ATP10A: variants seen among roughly 807,000 people sequenced by gnomAD.
ATP10A encodes the protein phospholipid-transporting ATPase VA.
ATP10A carries 111 observed loss-of-function variants against 147.8 expected under a neutral mutation model. The observed-to-expected ratio is 0.75, with a 90% CI of 0.64 to 0.88. The LOEUF (loss-of-function observed/expected upper bound fraction) is 0.88, where lower values mean the gene tolerates loss of function less well. Ranked by LOEUF, ATP10A falls within the 40% of genes least tolerant of loss-of-function variation. ATP10A has a pLI of 0.00. For synonymous variants in ATP10A, 875 were observed against 841.6 expected (o/e 1.04, Z -0.69); for missense variants, 1,927 against 1,959.0 (o/e 0.98, Z 0.31).
intron 2 of ATP10A, among the ~76,000 whole-genome samples, chr15:25,762,057 G>A (rs1377268447): frequency 1.3e-5 from 2 of 151,988 alleles, no homozygotes; most frequent in Non-Finnish European, 2.9e-5. Context: ...ATGACTCAGG[G>A]GTCGGTTCCC....
At chr15:25,723,069 C>T (rs1216111186) in intron 6 of ATP10A, among the ~76,000 whole-genome samples, 2 of 152,266 alleles carry the variant, frequency 1.3e-5, no homozygotes, top group South Asian at 2.1e-4. Flanking sequence ...AAGGACTAGG[C>T]CGGGTGCAGT....
chr15:25,843,259 C>T (rs955940304), intron 1 of ATP10A, among the ~76,000 whole-genome samples: 4 of 121,934 alleles, frequency 3.3e-5, no homozygotes, highest in African/African-American at 6.1e-5. Flanking sequence ...GGTGTGATCT[C>T]GGCACTCCAC....
In ATP10A at chr15:25,679,648, G is replaced by C; in HGVS notation, c.4193C>G (p.Pro1398Arg). The change falls in exon 21 of 21, where the codon CCA becomes CGA. Residue 1398 changes from proline to arginine, a missense_variant. Physicochemically the swap from Pro to Arg is moderately radical, Grantham distance 103. Coordinates refer to ENST00000555815, the MANE Select transcript of ATP10A (RefSeq NM_024490.4). The stretch of plus-strand genomic sequence containing the variant: ...TGGACTCCTCAGGACAGCCTCCCCT[G>C]GCGCAGAGGACATGGGGGCCGGTGC... ...LSAPAPMSSAPGEAVLRSPGG... is the reference protein window; with the variant it reads ...LSAPAPMSSARGEAVLRSPGG... The C allele has an allele frequency of 6.2e-7, 1 of 1,613,414 alleles. No individual in the cohort carries two copies. The highest frequency in any genetic ancestry group is 8.5e-7 in the Non-Finnish European group (1 of 1,180,004).
intron 2 of ATP10A, among the ~76,000 whole-genome samples, chr15:25,751,004 T>A (rs1289096889): frequency 1.3e-5 from 2 of 152,084 alleles, no homozygotes; most frequent in Admixed American, 1.3e-4. Flanking sequence ...ATTAATCACA[T>A]TAAATGCAAA....
intron 2 of ATP10A, among the ~76,000 whole-genome samples, chr15:25,753,374 C>T (rs1346556865): frequency 6.6e-6 from 1 of 152,152 alleles, no homozygotes; most frequent in African/African-American, 2.4e-5. Flanking sequence ...TTTTACTTAA[C>T]ATAATGTTGT....
chr15:25,776,443 T>C (rs1889608997), intron 2 of ATP10A, among the ~76,000 whole-genome samples: 1 of 152,150 alleles, frequency 6.6e-6, no homozygotes, highest in African/African-American at 2.4e-5. Context: ...TAAAATTCTG[T>C]GAAATTGTGT....
chr15:25,699,773 C>T (rs1335080482), intron 13 of ATP10A, among the ~76,000 whole-genome samples: 5 of 152,130 alleles, frequency 3.3e-5, no homozygotes, highest in African/African-American at 4.8e-5. Flanking sequence ...GATGCTGAGG[C>T]AGGAGGATCC....
downstream of ATP10A, chr15:25,678,515 G>C (rs1899191317): frequency 6.6e-6 from 1 of 152,182 alleles, no homozygotes; most frequent in African/African-American, 2.4e-5. Flanking sequence ...AGACCGCTGA[G>C]CTCCTTGGCA....
At chr15:25,687,575 G>A in intron 16 of ATP10A, 128 bp downstream of exon 16, 1 of 605,186 alleles carries the variant, frequency 1.7e-6, no homozygotes, top group Non-Finnish European at 2.1e-6. Context: ...AATTACACAG[G>A]CGAAGGAGGA....
intron 1 of ATP10A, among the ~76,000 whole-genome samples, chr15:25,782,649 A>AC (rs1889977844): frequency 6.6e-6 from 1 of 152,148 alleles, no homozygotes. Flanking sequence ...AGCCTGCAGA[A>AC]CCTACGAGTC....
At chr15:25,798,900 C>A (rs1890808051) in intron 1 of ATP10A, among the ~76,000 whole-genome samples, 1 of 79,140 alleles carries the variant, frequency 1.3e-5, no homozygotes, top group Non-Finnish European at 2.6e-5. Context: ...ACTCGGAGGC[C>A]CCCGACTGGC....
At chr15:25,727,569 G>C (rs558848630) in intron 3 of ATP10A, among the ~76,000 whole-genome samples, 6 of 152,254 alleles carry the variant, frequency 3.9e-5, no homozygotes, top group Admixed American at 3.3e-4. Context: ...ACTAGGAAGG[G>C]CAAACTCCCA....
At chr15:25,735,465 C>T (rs1182690003) in intron 3 of ATP10A, among the ~76,000 whole-genome samples, 1 of 152,168 alleles carries the variant, frequency 6.6e-6, no homozygotes, top group African/African-American at 2.4e-5. Context: ...TGCCCTGATC[C>T]ACCTGTCTTT....
chr15:25,773,165 G>A (rs962278456), intron 2 of ATP10A, among the ~76,000 whole-genome samples: 2 of 152,160 alleles, frequency 1.3e-5, no homozygotes, highest in Non-Finnish European at 2.9e-5. Context: ...AACTGCAAAT[G>A]TGTTCATGGA....
intron 2 of ATP10A, among the ~76,000 whole-genome samples, chr15:25,762,034 C>T (rs1470645092): frequency 2.6e-5 from 4 of 152,046 alleles, no homozygotes; most frequent in Admixed American, 6.6e-5. Context: ...GGGAGGGATC[C>T]GGTGGGAGGT....
At chr15:25,803,380 T>G (rs555559535) in intron 1 of ATP10A, among the ~76,000 whole-genome samples, 1 of 152,370 alleles carries the variant, frequency 6.6e-6, no homozygotes, top group South Asian at 2.1e-4. Flanking sequence ...GGGTGGGCAC[T>G]GCCCATGTCA....
chr15:25,797,507 C>T (rs866527132), intron 1 of ATP10A, among the ~76,000 whole-genome samples: 1 of 152,000 alleles, frequency 6.6e-6, no homozygotes, highest in Middle Eastern at 3.4e-3. Flanking sequence ...TGACTTTCTG[C>T]CACACTTTTC....
At position 25,694,886 on chromosome 15, in the gene ATP10A, C is replaced by T. The variant is rs561034034; in HGVS notation, c.3021G>A (p.Thr1007=). ...TCACCACCATGCTCTTCTGCAGAGG[C>T]GTCGACCGACAGCAGAGGACGGAGC... ...QCRSVLCCRS[T]PLQKSMVVKL... is the part of the protein sequence containing the mutation. Residue 1007 remains threonine, a synonymous_variant, in exon 14 of 21, where the codon ACG becomes ACA. Coordinates refer to ENST00000555815, the MANE Select transcript of ATP10A (RefSeq NM_024490.4). 530 of 1,614,122 alleles carry T rather than the reference C, an allele frequency of 3.3e-4. 6 individuals are homozygous for T. In the South Asian group the frequency reaches 5.4e-3, roughly 17 times the overall value.
intron 10 of ATP10A, chr15:25,709,952 A>G (rs985599748): frequency 6.6e-6 from 1 of 152,308 alleles, no homozygotes; most frequent in African/African-American, 2.4e-5. Flanking sequence ...AGCTCCAAGG[A>G]GACCATCACC....
Sources: allele counts gnomAD v4.1 joint callset (sites outside exome capture counted in the v4.1 genomes callset), GRCh38; gene constraint gnomAD v4.1.1; transcripts MANE v1.5; gene names NCBI Gene and HGNC (gene_info 2026-07-23, HGNC 2026-07-21).